DLG2: variants seen among roughly 807,000 people sequenced by gnomAD.
DLG2 encodes disks large homolog 2.
A neutral mutation model predicts 132.5 loss-of-function variants in DLG2; 45 were observed. The ratio of observed to expected loss-of-function variants is 0.34; its 90% CI spans 0.27 to 0.44. The LOEUF (loss-of-function observed/expected upper bound fraction) is 0.44. DLG2 is among the 20% of genes least tolerant of loss of function. The pLI, the probability that DLG2 is intolerant of heterozygous loss-of-function variation, is 1.00. For synonymous variants in DLG2, 424 were observed against 419.6 expected (o/e 1.01, Z -0.13); for missense variants, 1,045 against 1,196.9 (o/e 0.87, Z 1.87).
intron 6 of DLG2, among the ~76,000 whole-genome samples, chr11:84,921,656 T>C (rs751035805): frequency 1.3e-5 from 2 of 152,174 alleles, no homozygotes; most frequent in Admixed American, 1.3e-4. Flanking sequence ...TATCTCTTTA[T>C]CTAAATTATT....
chr11:84,004,341 T>C (rs1340023240), intron 11 of DLG2, among the ~76,000 whole-genome samples: 1 of 152,090 alleles, frequency 6.6e-6, no homozygotes, highest in Non-Finnish European at 1.5e-5. Context: ...AAGAATCATA[T>C]GATCATCTCA....
chr11:84,755,063 A>G (rs769115200), intron 6 of DLG2, among the ~76,000 whole-genome samples: 3 of 152,206 alleles, frequency 2.0e-5, no homozygotes, highest in African/African-American at 7.2e-5. Flanking sequence ...CTTCTCCAAC[A>G]TATCTTTTAC....
At position 85,384,961 on chromosome 11, in the gene DLG2, A is replaced by G. The variant is rs181482181; in HGVS notation, c.41-99596T>C. Among the ~76,000 whole-genome samples, 21 of 152,348 alleles carry G rather than the reference A, an allele frequency of 1.4e-4. 1 individual carries two copies. The highest frequency in any genetic ancestry group is 4.1e-4 in the African/African-American group (17 of 41,578). ...TGCATTCTCATCAGGATTAAATGAGAAAAAATAAAATTACATTCTTAGCTC... is the reference window on the plus strand; with the variant it reads ...TGCATTCTCATCAGGATTAAATGAGGAAAAATAAAATTACATTCTTAGCTC... On this transcript the variant is annotated intron_variant, in intron 3 of 27. Transcript: ENST00000376104.
chr11:84,466,238 A>T (rs2099093994), intron 7 of DLG2, among the ~76,000 whole-genome samples: 1 of 151,338 alleles, frequency 6.6e-6, no homozygotes, highest in Non-Finnish European at 1.5e-5. Context: ...GTATTAGAAG[A>T]AAAGAGGAAA....
At chr11:84,917,074 T>C (rs1187596350) in intron 6 of DLG2, among the ~76,000 whole-genome samples, 2 of 152,234 alleles carry the variant, frequency 1.3e-5, no homozygotes, top group Non-Finnish European at 2.9e-5. Context: ...GTATTTTACT[T>C]AACTGTCTTA....
chr11:84,298,298 T>C (rs1265625110), intron 7 of DLG2, among the ~76,000 whole-genome samples: 1 of 152,238 alleles, frequency 6.6e-6, no homozygotes, highest in Non-Finnish European at 1.5e-5. Context: ...GACTTTTGCA[T>C]ACCTTGATAT....
At chr11:84,440,618 T>A (rs1209965485) in intron 7 of DLG2, among the ~76,000 whole-genome samples, 1 of 152,142 alleles carries the variant, frequency 6.6e-6, no homozygotes, top group Non-Finnish European at 1.5e-5. Context: ...GTAAAACAAA[T>A]TTTTCAGACA....
intron 21 of DLG2, chr11:83,486,121 A>AAAAC (rs1283407688): frequency 1.7e-6 from 1 of 589,944 alleles, no homozygotes; most frequent in Non-Finnish European, 3.0e-6. Flanking sequence ...TTGGTGTCCA[A>AAAAC]AAACAAGGTT....
chr11:84,937,955 G>C (rs1274415266), intron 6 of DLG2, among the ~76,000 whole-genome samples: 2 of 152,242 alleles, frequency 1.3e-5, no homozygotes, highest in East Asian at 1.9e-4. Context: ...CTCTGGCCCA[G>C]AACAGAGAAA....
chr11:84,544,838 C>T (rs2099386436), intron 6 of DLG2, among the ~76,000 whole-genome samples: 1 of 152,094 alleles, frequency 6.6e-6, no homozygotes, highest in South Asian at 2.1e-4. Flanking sequence ...ACAACAACAG[C>T]CACAACCAAA....
chr11:83,663,202 T>G (rs1289906376), intron 18 of DLG2, among the ~76,000 whole-genome samples: 1 of 152,218 alleles, frequency 6.6e-6, no homozygotes, highest in East Asian at 1.9e-4. Flanking sequence ...AGTTGTGGAA[T>G]TGAGGCTCCT....
chr11:85,290,460 G>A (rs1298361065), intron 3 of DLG2, among the ~76,000 whole-genome samples: 1 of 151,772 alleles, frequency 6.6e-6, no homozygotes, highest in Non-Finnish European at 1.5e-5. Flanking sequence ...GCATCTCAGG[G>A]ATAAGAATTT....
intron 11 of DLG2, among the ~76,000 whole-genome samples, chr11:84,000,761 T>G (rs2094304477): frequency 6.6e-6 from 1 of 151,794 alleles, no homozygotes; most frequent in Non-Finnish European, 1.5e-5. Context: ...TACAGAAAAA[T>G]TATCCTTAAT....
chr11:83,999,632 T>C (rs1225609120), intron 11 of DLG2, among the ~76,000 whole-genome samples: 2 of 152,090 alleles, frequency 1.3e-5, no homozygotes, highest in African/African-American at 4.8e-5. Flanking sequence ...CTCAGCTCAC[T>C]GCTGCCACCC....
intron 4 of DLG2, among the ~76,000 whole-genome samples, chr11:85,197,225 T>C (rs1173647417): frequency 6.6e-6 from 1 of 152,222 alleles, no homozygotes; most frequent in African/African-American, 2.4e-5. Flanking sequence ...TAAAATGATA[T>C]GTCTGTGTTA....
chr11:83,871,082 C>T (rs889656068), intron 16 of DLG2, among the ~76,000 whole-genome samples: 3 of 152,164 alleles, frequency 2.0e-5, no homozygotes, highest in Non-Finnish European at 4.4e-5. Flanking sequence ...GCCTTTGATG[C>T]CCCCTTCTAT....
At chr11:83,747,024 A>C (rs557853179) in intron 18 of DLG2, among the ~76,000 whole-genome samples, 2 of 152,300 alleles carry the variant, frequency 1.3e-5, no homozygotes, top group Middle Eastern at 3.4e-3. Context: ...TCTTGAGCCA[A>C]GAAGAAAAGA....
At chr11:84,673,729 G>T (rs1371670706) in intron 6 of DLG2, among the ~76,000 whole-genome samples, 1 of 151,894 alleles carries the variant, frequency 6.6e-6, no homozygotes, top group Non-Finnish European at 1.5e-5. Context: ...AAAAATTAAT[G>T]AATTAGGTAC....
At chr11:84,628,985 T>A (rs911571510) in intron 6 of DLG2, among the ~76,000 whole-genome samples, 1 of 152,166 alleles carries the variant, frequency 6.6e-6, no homozygotes, top group East Asian at 1.9e-4. Flanking sequence ...GTCAGTTCAT[T>A]TGTCTAGAAC....
Sources: allele counts gnomAD v4.1 joint callset (sites outside exome capture counted in the v4.1 genomes callset), GRCh38; gene constraint gnomAD v4.1.1; transcripts MANE v1.5; gene names NCBI Gene and HGNC (gene_info 2026-07-23, HGNC 2026-07-21).